Variants in DNAJC11 observed in about 807,000 individuals in gnomAD.
DNAJC11 encodes DnaJ heat shock protein family (Hsp40) member C11.
DNAJC11 carries 15 observed loss-of-function variants against 78.6 expected under a neutral mutation model. The observed-to-expected ratio is 0.19, with a 90% CI of 0.13 to 0.29. DNAJC11 has a LOEUF of 0.29. Among genes scored for constraint, DNAJC11 ranks in the 10% least tolerant of loss-of-function variants. The probability of loss-of-function intolerance (pLI) is 1.00; values close to 1 mark genes in which losing one functional copy is unlikely to be tolerated. For missense variants in DNAJC11, 547 were observed against 709.6 expected (o/e 0.77, Z 2.60); for synonymous variants, 292 against 272.1 (o/e 1.07, Z -0.72).
intron 4 of DNAJC11, among the ~76,000 whole-genome samples, chr1:6,663,533 T>G (rs1054860787): frequency 6.6e-6 from 1 of 152,140 alleles, no homozygotes; most frequent in Non-Finnish European, 1.5e-5. Flanking sequence ...TGATCTTAAG[T>G]CCTTAAAATG....
rs5772249 is a variant in DNAJC11, at chr1:6,691,188, G to GAA, written c.73-10153_73-10152dup. On this transcript the variant is annotated intron_variant, in intron 1 of 15. Coordinates refer to ENST00000377577, the MANE Select transcript of DNAJC11 (RefSeq NM_018198.4). ...TAGTAACAACAGAATCCCAAAGACTGAAAAAAAAAAAAAAAAGCAGGAAGC... is the reference window on the plus strand; with the variant it reads ...TAGTAACAACAGAATCCCAAAGACTGAAAAAAAAAAAAAAAAAAGCAGGAAGC... 5.8e-3 allele frequency among the ~76,000 whole-genome samples: 730 copies of GAA among 125,148 alleles called. 5 individuals carry two copies. Among genetic ancestry groups the GAA allele is most frequent in the South Asian group, 0.018 (72 of 3,902 alleles). The allele number at this position is 125,148 out of a possible 152,430, so 82.1% of individuals were successfully genotyped here.
At chr1:6,670,714 T>A (rs1642366687) in intron 3 of DNAJC11, 1 of 152,240 alleles carries the variant, frequency 6.6e-6, no homozygotes, top group Non-Finnish European at 1.5e-5. Flanking sequence ...GTGATTGCTC[T>A]GTGACCTCGC....
intron 1 of DNAJC11, among the ~76,000 whole-genome samples, chr1:6,696,125 C>T (rs1366361084): frequency 6.6e-6 from 1 of 152,172 alleles, no homozygotes; most frequent in Non-Finnish European, 1.5e-5. Context: ...TTTGGACAAC[C>T]GAGGCTTAAT....
intron 7 of DNAJC11, among the ~76,000 whole-genome samples, chr1:6,649,683 A>C (rs142132815): frequency 2.0e-5 from 3 of 151,908 alleles, no homozygotes; most frequent in Non-Finnish European, 2.9e-5. Context: ...GCACACAGAT[A>C]CATGTCTCAT....
chr1:6,684,621 TCA>T (rs1642608450), intron 1 of DNAJC11, among the ~76,000 whole-genome samples: 1 of 152,232 alleles, frequency 6.6e-6, no homozygotes, highest in African/African-American at 2.4e-5. Context: ...TTAATAAATA[TCA>T]CATTCAATAA....
At position 6,677,769 on chromosome 1, in the gene DNAJC11, G is replaced by A. The variant is rs1371596796; in HGVS notation, c.276+625C>T. Among the ~76,000 whole-genome samples, 3 of 152,186 alleles carry A rather than the reference G, an allele frequency of 2.0e-5. No individual in the cohort carries two copies. In the East Asian group the frequency reaches 5.8e-4, roughly 29 times the overall value. ...AGTGTGAAAGCAAACAAATTGTCTGGATTTTAGTGACTGCTCTCCCACAGC... is the reference window on the plus strand; with the variant it reads ...AGTGTGAAAGCAAACAAATTGTCTGAATTTTAGTGACTGCTCTCCCACAGC... On this transcript the variant is annotated intron_variant, in intron 3 of 15. Transcript: ENST00000377577.
intron 4 of DNAJC11, among the ~76,000 whole-genome samples, chr1:6,659,654 C>T (rs938454003): frequency 3.9e-5 from 6 of 152,070 alleles, no homozygotes; most frequent in African/African-American, 1.2e-4. Context: ...CCCAGCTACT[C>T]GGAGGCTGAG....
intron 1 of DNAJC11, among the ~76,000 whole-genome samples, chr1:6,691,489 A>G (rs754131959): frequency 6.6e-6 from 1 of 152,200 alleles, no homozygotes; most frequent in Non-Finnish European, 1.5e-5. Context: ...CCAGAGTTGC[A>G]CCAAAATTGA....
At chr1:6,660,065 A>G (rs187884491) in intron 4 of DNAJC11, among the ~76,000 whole-genome samples, 65 of 150,852 alleles carry the variant, frequency 4.3e-4, no homozygotes, top group African/African-American at 1.5e-3. Context: ...CAAAAACAAA[A>G]AAAAAAACCA....
rs557940705 is a variant in DNAJC11 at position 6,691,035 on chromosome 1, AG to A, written c.73-9999del. 1.2e-4 allele frequency among the ~76,000 whole-genome samples: 19 copies of A among 152,338 alleles called. No individual in the cohort carries two copies. In the South Asian group the frequency reaches 3.7e-3, roughly 30 times the overall value. On this transcript the variant is annotated intron_variant, in intron 1 of 15. Coordinates refer to ENST00000377577, the MANE Select transcript of DNAJC11 (RefSeq NM_018198.4). ...AGAAACAGATAAAACAATTCTAAAAAGTTTCTACAAATAGGAACAATTTTTG... is the reference window on the plus strand; with the variant it reads ...AGAAACAGATAAAACAATTCTAAAAATTTCTACAAATAGGAACAATTTTTG...
At chr1:6,649,150 G>T (rs560688456) in intron 7 of DNAJC11, among the ~76,000 whole-genome samples, 1 of 151,874 alleles carries the variant, frequency 6.6e-6, no homozygotes, top group African/African-American at 2.4e-5. Context: ...GAGTCACATC[G>T]GCTCCTTTTC....
chr1:6,682,113 C>T (rs555542473), intron 1 of DNAJC11, among the ~76,000 whole-genome samples: 2 of 127,140 alleles, frequency 1.6e-5, no homozygotes, highest in South Asian at 5.0e-4. Context: ...AACACAGATC[C>T]TCAAAGAAAG....
chr1:6,698,626 TA>T (rs35596906), intron 1 of DNAJC11, among the ~76,000 whole-genome samples: 79,444 of 145,876 alleles, frequency 0.54, 21,222 homozygotes, highest in Admixed American at 0.64. Flanking sequence ...TTGGGAGAAG[TA>T]AAAAAAAAAA....
intron 4 of DNAJC11, among the ~76,000 whole-genome samples, chr1:6,656,510 T>C (rs1642128890): frequency 6.6e-6 from 1 of 152,060 alleles, no homozygotes; most frequent in Non-Finnish European, 1.5e-5. Context: ...TATGTTCTAA[T>C]ATGAAGAAAT....
chr1:6,692,448 T>C (rs915290051), intron 1 of DNAJC11, among the ~76,000 whole-genome samples: 4 of 151,520 alleles, frequency 2.6e-5, no homozygotes, highest in Non-Finnish European at 4.4e-5. Flanking sequence ...CAAAAAATGT[T>C]ATCCTTGAGC....
At chr1:6,664,128 G>A (rs1391958966) in intron 4 of DNAJC11, among the ~76,000 whole-genome samples, 1 of 152,198 alleles carries the variant, frequency 6.6e-6, no homozygotes, top group Non-Finnish European at 1.5e-5. Flanking sequence ...GCACCATGGT[G>A]CCTGGTAAGG....
At chr1:6,651,981 C>A (rs1342898972) in intron 6 of DNAJC11, among the ~76,000 whole-genome samples, 1 of 152,078 alleles carries the variant, frequency 6.6e-6, no homozygotes, top group Non-Finnish European at 1.5e-5. Context: ...GCCCCCCACC[C>A]CCGCATGCAC....
At chr1:6,643,526 T>G (rs540298557) in intron 10 of DNAJC11, among the ~76,000 whole-genome samples, 3 of 152,050 alleles carry the variant, frequency 2.0e-5, no homozygotes, top group South Asian at 2.1e-4. Context: ...CTGCCCGCCT[T>G]GGCCTCCCAA....
In DNAJC11 at chr1:6,635,472, A is replaced by C; in HGVS notation, c.*203T>G. 2 of 570,880 alleles carry C rather than the reference A, an allele frequency of 3.5e-6. No individual in the cohort carries two copies. Among genetic ancestry groups the C allele is most frequent in the Non-Finnish European group, 6.2e-6 (2 of 323,470 alleles). The allele number at this position is 570,880 out of a possible 1,614,324, so 35.4% of individuals were successfully genotyped here. A position where few individuals can be genotyped will look rare whatever the true frequency, so the allele number is the denominator to read the frequency against. ...TGGGCCAGGCTGCAGTCTGGTTCCC[A>C]GTGGGGCTGCCTCAGTCCTACCCCC... On this transcript the variant is annotated 3_prime_UTR_variant, in exon 16 of 16. Transcript: ENST00000377577.
Sources: gnomAD v4.1 joint callset for allele counts (sites outside exome capture counted in the v4.1 genomes callset) on GRCh38, gnomAD v4.1.1 for gene constraint, MANE v1.5 for transcripts, NCBI Gene and HGNC (gene_info 2026-07-23, HGNC 2026-07-21) for gene names.